LRCH1: variants seen among roughly 807,000 people sequenced by gnomAD.
The protein encoded by LRCH1 is leucine-rich repeat and calponin homology domain-containing protein 1.
LRCH1 carries 23 observed loss-of-function variants against 94.9 expected under a neutral mutation model. That is an observed-to-expected ratio of 0.24 (90% confidence interval 0.17 to 0.34). The LOEUF is 0.34. LRCH1 is among the 10% of genes least tolerant of loss of function. The pLI is 1.00. For missense variants in LRCH1, 790 were observed against 945.9 expected (o/e 0.84, Z 2.16); for synonymous variants, 364 against 354.9 (o/e 1.03, Z -0.29).
intron 1 of LRCH1, among the ~76,000 whole-genome samples, chr13:46,582,331 A>T (rs2050377859): frequency 6.7e-6 from 1 of 149,074 alleles, no homozygotes; most frequent in Admixed American, 6.7e-5. Context: ...CTTTGTTACA[A>T]GTCACTCCTA....
chr13:46,597,093 C>G (rs1226448370), intron 1 of LRCH1, among the ~76,000 whole-genome samples: 4 of 152,130 alleles, frequency 2.6e-5, no homozygotes, highest in Non-Finnish European at 4.4e-5. Flanking sequence ...TATTTGTAAG[C>G]CCCAAATCCA....
chr13:46,634,225 C>A (rs1187089446), intron 1 of LRCH1, among the ~76,000 whole-genome samples: 1 of 152,166 alleles, frequency 6.6e-6, no homozygotes, highest in African/African-American at 2.4e-5. Flanking sequence ...GTCATTCATC[C>A]ACGTCAGAAA....
At chr13:46,585,567 A>AAC (rs2050425590) in intron 1 of LRCH1, among the ~76,000 whole-genome samples, 1 of 150,406 alleles carries the variant, frequency 6.6e-6, no homozygotes, top group South Asian at 2.1e-4. Context: ...AAAAAAAAAA[A>AAC]AAAACAAAAA....
In LRCH1 at chr13:46,553,237, C is replaced by CCCCCCCAAAAAA; in HGVS notation, c.-155_-154insCAAAAAACCCCC. 6 of 561,100 alleles carry CCCCCCCAAAAAA rather than the reference C, an allele frequency of 1.1e-5. No individual in the cohort carries two copies. The highest frequency in any genetic ancestry group is 1.6e-5 in the Non-Finnish European group (5 of 319,096). The allele number at this position is 561,100 out of a possible 1,614,324, so 34.8% of individuals were successfully genotyped here. On this transcript the variant is annotated 5_prime_UTR_variant, in exon 1 of 20. Coordinates refer to ENST00000389797, the MANE Select transcript of LRCH1 (RefSeq NM_001164211.2). ...GCTGCCACGGCCGCCTCCCCGCCCG[C>CCCCCCCAAAAAA]CCCCCATTCTACGCGCCTGCCCACA...
In LRCH1 at chr13:46,553,553, G is replaced by A. The variant is rs1475852754; in HGVS notation, c.157G>A (p.Gly53Arg). ...GGAGGGGGGS[G>R]GFNLPLNRGL... is the part of the protein sequence containing the mutation. ...GGCGGGTGGTGGCGGCGGTGGCAGC[G>A]GGGGCTTCAACCTGCCCTTGAACCG... Residue 53 changes from glycine (G) to arginine (R), a missense_variant, in exon 1 of 20, where the codon GGG (glycine) becomes AGG (arginine). Around this residue, in one of 3 missense-constraint regions of LRCH1, gnomAD observed 136 missense variants for 143.5 expected, o/e 0.95. Transcript: ENST00000389797. 6.5e-7 allele frequency: 1 copy of A among 1,546,666 alleles called. No individual in the cohort carries two copies. Among genetic ancestry groups the A allele is most frequent in the Admixed American group, 2.0e-5 (1 of 50,438 alleles).
chr13:46,651,980 C>G, intron 2 of LRCH1, among the ~76,000 whole-genome samples: 1 of 144,288 alleles, frequency 6.9e-6, no homozygotes, highest in Non-Finnish European at 1.5e-5. Flanking sequence ...CTCCGCCTCC[C>G]GGGTTCACGC....
At chr13:46,685,114 T>C (rs1870538262) in intron 4 of LRCH1, among the ~76,000 whole-genome samples, 1 of 152,234 alleles carries the variant, frequency 6.6e-6, no homozygotes, top group Non-Finnish European at 1.5e-5. Flanking sequence ...GAGTGAACCC[T>C]TCATAGCCCC....
At chr13:46,556,129 AT>A (rs1014483024) in intron 1 of LRCH1, among the ~76,000 whole-genome samples, 3 of 151,932 alleles carry the variant, frequency 2.0e-5, no homozygotes, top group South Asian at 2.1e-4. Flanking sequence ...GGCAAAGTGG[AT>A]TTTTTTTTCC....
intron 11 of LRCH1, among the ~76,000 whole-genome samples, chr13:46,703,380 G>A (rs1452382772): frequency 6.6e-6 from 1 of 152,194 alleles, no homozygotes; most frequent in African/African-American, 2.4e-5. Flanking sequence ...AAGAGGGGGT[G>A]ACAAGTACCT....
At chr13:46,663,237 G>A (rs949591113) in intron 2 of LRCH1, among the ~76,000 whole-genome samples, 2 of 152,110 alleles carry the variant, frequency 1.3e-5, no homozygotes, top group African/African-American at 4.8e-5. Context: ...TTATTTTTTA[G>A]CTTTACATAA....
chr13:46,660,157 G>T (rs1023968226), intron 2 of LRCH1, among the ~76,000 whole-genome samples: 27 of 151,018 alleles, frequency 1.8e-4, no homozygotes, highest in Admixed American at 1.3e-3. Flanking sequence ...GACTACAGGC[G>T]CCCGCCACCA....
At chr13:46,564,137 G>A (rs2050157505) in intron 1 of LRCH1, among the ~76,000 whole-genome samples, 1 of 152,212 alleles carries the variant, frequency 6.6e-6, no homozygotes, top group South Asian at 2.1e-4. Flanking sequence ...TGGTTTGAGG[G>A]ACATGCACAG....
At chr13:46,710,358 G>A (rs1871995811) in intron 13 of LRCH1, among the ~76,000 whole-genome samples, 1 of 152,172 alleles carries the variant, frequency 6.6e-6, no homozygotes, top group Non-Finnish European at 1.5e-5. Flanking sequence ...AGCTCTGTGT[G>A]AGCCACACGG....
At chr13:46,721,486 A>G (rs754824511) in intron 16 of LRCH1, among the ~76,000 whole-genome samples, 4 of 152,052 alleles carry the variant, frequency 2.6e-5, no homozygotes, top group Non-Finnish European at 4.4e-5. Flanking sequence ...AATGTGATTC[A>G]TTCTCCAGTT....
intron 1 of LRCH1, among the ~76,000 whole-genome samples, chr13:46,557,557 AT>A (rs908134312): frequency 1.0e-5 from 1 of 98,554 alleles, no homozygotes; most frequent in Non-Finnish European, 2.6e-5. Flanking sequence ...AAAATAAAAT[AT>A]TAGGCCAGGC....
In LRCH1 at chr13:46,720,836, T is replaced by A. The variant is rs544241302; in HGVS notation, c.1760-2385T>A. Reference sequence around the variant, plus strand: ...GCACTTTTGTACTTGGTAGATTTATTATGAGCCTAAAGAGATTGCCTTAAG... The same window carrying A: ...GCACTTTTGTACTTGGTAGATTTATAATGAGCCTAAAGAGATTGCCTTAAG... On this transcript the variant is annotated intron_variant, in intron 16 of 19. Coordinates refer to ENST00000389797, the MANE Select transcript of LRCH1 (RefSeq NM_001164211.2). Among the ~76,000 whole-genome samples, 427 of 152,340 alleles carry A rather than the reference T, an allele frequency of 2.8e-3. 3 individuals carry two copies. Among genetic ancestry groups the A allele is most frequent in the African/African-American group, 0.01 (417 of 41,562 alleles).
Position 46,673,241 on chromosome 13 carries a change from G to A in LRCH1, c.579+4085G>A, listed in dbSNP as rs79334469. 9.9e-3 allele frequency among the ~76,000 whole-genome samples: 1,502 copies of A among 152,070 alleles called. 12 individuals are homozygous for A. Among genetic ancestry groups the A allele is most frequent in the Non-Finnish European group, 0.015 (1,027 of 67,994 alleles). ...GTTCAGTGGCCACCCTCCTGGATTC[G>A]GCAGCTCCGTCACCTGTGTTCTTTC... On this transcript the variant is annotated intron_variant, in intron 3 of 19. Coordinates refer to ENST00000389797, the MANE Select transcript of LRCH1 (RefSeq NM_001164211.2).
chr13:46,681,157 C>T (rs1393155036), intron 3 of LRCH1, among the ~76,000 whole-genome samples: 1 of 152,154 alleles, frequency 6.6e-6, no homozygotes, highest in African/African-American at 2.4e-5. Context: ...AGGTGGTCAG[C>T]TGTAAGATTT....
intron 14 of LRCH1, 123 bp from the exon 15 acceptor site, chr13:46,712,402 C>T: frequency 1.4e-6 from 1 of 720,032 alleles, no homozygotes; most frequent in Admixed American, 2.4e-5. Context: ...AGGACTTCAT[C>T]ACACAGCAGC....
Sources: allele counts gnomAD v4.1 joint callset (sites outside exome capture counted in the v4.1 genomes callset), GRCh38; gene constraint gnomAD v4.1.1; regional missense constraint gnomAD v4.1.1; transcripts MANE v1.5; gene names NCBI Gene and HGNC (gene_info 2026-07-23, HGNC 2026-07-21).